The following XPO6 variants were observed in gnomAD, a reference collection of about 807,000 sequenced individuals.
XPO6 encodes exportin 6, also known as exportin-6.
XPO6 carries 3 observed loss-of-function variants against 130.0 expected under a neutral mutation model. The ratio of observed to expected loss-of-function variants is 0.02; its 90% CI spans 0.01 to 0.06. The LOEUF is 0.06. XPO6 is among the 10% of genes least tolerant of loss of function. XPO6 has a pLI of 1.00. For synonymous variants in XPO6, 524 were observed against 548.9 expected (o/e 0.95, Z 0.63); for missense variants, 970 against 1,393.0 (o/e 0.70, Z 4.83).
At chr16:28,210,084 G>A (rs139703198) in intron 1 of XPO6, among the ~76,000 whole-genome samples, 193 of 152,246 alleles carry the variant, frequency 1.3e-3, no homozygotes, top group African/African-American at 1.8e-3. Flanking sequence ...AGCCATGAAC[G>A]TGCCACTGCA....
intron 17 of XPO6, among the ~76,000 whole-genome samples, chr16:28,109,301 C>CTTT (rs77303555): frequency 3.3e-4 from 47 of 141,642 alleles, no homozygotes; most frequent in African/African-American, 1.1e-3. Flanking sequence ...TTTTTCTTTT[C>CTTT]TTTTTTTTTT....
intron 9 of XPO6, among the ~76,000 whole-genome samples, chr16:28,136,123 G>A (rs1038969080): frequency 1.2e-4 from 18 of 152,176 alleles, no homozygotes; most frequent in Non-Finnish European, 2.2e-4. Flanking sequence ...TAAATAAACT[G>A]CCCAAGGCCA....
At chr16:28,177,387 A>G in intron 2 of XPO6, 55 bp from the exon 3 acceptor site, 1 of 1,009,808 alleles carries the variant, frequency 9.9e-7, no homozygotes, top group South Asian at 1.4e-5. Context: ...GAAATTAGAC[A>G]AGACTGGGCT....
At chr16:28,178,636 A>G (rs2043568416) in intron 2 of XPO6, among the ~76,000 whole-genome samples, 1 of 151,990 alleles carries the variant, frequency 6.6e-6, no homozygotes, top group Non-Finnish European at 1.5e-5. Context: ...GGAGAGTGTC[A>G]AAATGAACAT....
chr16:28,128,425 AC>A (rs758286052), intron 12 of XPO6, among the ~76,000 whole-genome samples: 6 of 150,796 alleles, frequency 4.0e-5, no homozygotes, highest in Non-Finnish European at 8.9e-5. Context: ...TCGCACCTCC[AC>A]CTCCCCCCAG....
intron 4 of XPO6, among the ~76,000 whole-genome samples, chr16:28,175,341 TC>T (rs2043516907): frequency 6.6e-6 from 1 of 151,838 alleles, no homozygotes; most frequent in Non-Finnish European, 1.5e-5. Context: ...GTTTTCTCCC[TC>T]CCCAAAACTT....
intron 12 of XPO6, among the ~76,000 whole-genome samples, chr16:28,131,431 C>G (rs891049044): frequency 1.3e-5 from 2 of 152,186 alleles, no homozygotes; most frequent in Admixed American, 6.5e-5. Flanking sequence ...AGAGCCGGGA[C>G]AGATCCCATA....
intron 1 of XPO6, among the ~76,000 whole-genome samples, chr16:28,200,063 G>A (rs2043931360): frequency 6.6e-6 from 1 of 151,958 alleles, no homozygotes; most frequent in African/African-American, 2.4e-5. Context: ...GGCTGAGGCA[G>A]GAGAATCGCT....
At chr16:28,142,170 T>C (rs2042907271) in intron 9 of XPO6, among the ~76,000 whole-genome samples, 1 of 152,236 alleles carries the variant, frequency 6.6e-6, no homozygotes, top group African/African-American at 2.4e-5. Context: ...CCTGCAAGAT[T>C]AGTTGCTTCT....
chr16:28,206,405 G>C (rs1465774413), intron 1 of XPO6, among the ~76,000 whole-genome samples: 1 of 152,030 alleles, frequency 6.6e-6, no homozygotes, highest in African/African-American at 2.4e-5. Context: ...AAATTAGCTG[G>C]GCATGGTGGC....
chr16:28,172,098 T>C (rs1035111194), intron 4 of XPO6, among the ~76,000 whole-genome samples: 10 of 152,124 alleles, frequency 6.6e-5, no homozygotes, highest in Admixed American at 5.9e-4. Flanking sequence ...AAGCTCTCCT[T>C]CCTCTCACCA....
At chr16:28,175,483 C>T (rs1227201280) in intron 4 of XPO6, among the ~76,000 whole-genome samples, 2 of 152,224 alleles carry the variant, frequency 1.3e-5, no homozygotes, top group Non-Finnish European at 2.9e-5. Flanking sequence ...CCCAACAACA[C>T]CAAGTCTACA....
rs147953206 is a variant in XPO6 at position 28,152,801 on chromosome 16, C to T, written c.1098-16G>A. ...CTCGATATAGCTAAATGAGACAAGA[C>T]AAAAGGTGACAATAAGAAACCCAGC... On this transcript the variant is annotated splice_polypyrimidine_tract_variant and intron_variant, in intron 7 of 23. Coordinates refer to ENST00000304658, the MANE Select transcript of XPO6 (RefSeq NM_015171.4). The T allele has an allele frequency of 1.2e-4, 186 of 1,605,762 alleles. 1 individual carries two copies. In the East Asian group the frequency reaches 3.8e-3, roughly 33 times the overall value.
At chr16:28,120,053 C>T (rs911828967) in intron 14 of XPO6, among the ~76,000 whole-genome samples, 1 of 152,124 alleles carries the variant, frequency 6.6e-6, no homozygotes, top group Admixed American at 6.5e-5. Flanking sequence ...CCACGTTGGT[C>T]AGGCTGGACT....
rs2087381608 is a variant in XPO6, at chr16:28,125,681, CA to C, written c.1766+7del. 1 of 1,612,350 alleles carries C rather than the reference CA, an allele frequency of 6.2e-7. No individual in the cohort carries two copies. Among genetic ancestry groups the C allele is most frequent in the Admixed American group, 1.7e-5 (1 of 59,806 alleles). On this transcript the variant is annotated splice_region_variant and intron_variant, in intron 13 of 23. Coordinates refer to ENST00000304658, the MANE Select transcript of XPO6 (RefSeq NM_015171.4). Reference sequence around the variant, plus strand: ...AGGAACAGCTCCATAAGGTAACTGCCAGCCTACCTTTCCACGACTGTGAGGG... The same window carrying C: ...AGGAACAGCTCCATAAGGTAACTGCCGCCTACCTTTCCACGACTGTGAGGG...
intron 15 of XPO6, 95 bp downstream of exon 15, chr16:28,117,223 T>C (rs1384811259): frequency 4.6e-5 from 70 of 1,517,930 alleles, no homozygotes; most frequent in Non-Finnish European, 6.2e-5. Context: ...TGGGTCTAAC[T>C]CTGTGTCATA....
At chr16:28,147,819 C>A (rs373045055) in intron 8 of XPO6, among the ~76,000 whole-genome samples, 24 of 152,274 alleles carry the variant, frequency 1.6e-4, no homozygotes, top group African/African-American at 5.1e-4. Context: ...TGGCGATGCA[C>A]GCCTGTGATC....
In XPO6 at chr16:28,098,497, G is replaced by C. The variant is rs758309904; in HGVS notation, c.*41C>G. 6.4e-7 allele frequency: 1 copy of C among 1,551,908 alleles called. No homozygotes were observed. Among genetic ancestry groups the C allele is most frequent in the Non-Finnish European group, 8.8e-7 (1 of 1,131,950 alleles). On this transcript the variant is annotated 3_prime_UTR_variant, in exon 24 of 24. Coordinates refer to ENST00000304658, the MANE Select transcript of XPO6 (RefSeq NM_015171.4). ...GTGGTGGAAGGTAGGGCTGGCGCAG[G>C]TGGCAGCAGCAGAAGTCCGTGTCCC...
In XPO6 at chr16:28,113,058, G is replaced by A; in HGVS notation, c.2005-8C>T. 1 of 1,612,914 alleles carries A rather than the reference G, an allele frequency of 6.2e-7. No individual in the cohort carries two copies. The highest frequency in any genetic ancestry group is 8.5e-7 in the Non-Finnish European group (1 of 1,179,324). On this transcript the variant is annotated splice_region_variant and splice_polypyrimidine_tract_variant and intron_variant, in intron 15 of 23. Coordinates refer to ENST00000304658, the MANE Select transcript of XPO6 (RefSeq NM_015171.4). ...CAGCAGCTTGTCTTGGACCTGCAGA[G>A]GGAAGAGGGCACGTCAGCTCACCAC... is the stretch of plus-strand genomic sequence containing the variant.
Sources: allele counts gnomAD v4.1 joint callset (sites outside exome capture counted in the v4.1 genomes callset), GRCh38; gene constraint gnomAD v4.1.1; transcripts MANE v1.5; gene names NCBI Gene and HGNC (gene_info 2026-07-23, HGNC 2026-07-21).